C10orf90: variants seen among roughly 807,000 people sequenced by gnomAD.
The protein encoded by C10orf90 is (E2-independent) E3 ubiquitin-conjugating enzyme FATS.
Under a neutral mutation model 62.5 loss-of-function variants are expected in C10orf90, and 56 were observed. That is an observed-to-expected ratio of 0.90 (90% CI 0.72 to 1.12). C10orf90 has a LOEUF of 1.12. C10orf90 is among the 50% of genes most tolerant of loss of function. The pLI is 0.00. For synonymous variants in C10orf90, 386 were observed against 340.4 expected, an observed-to-expected ratio of 1.13 and a Z score of -1.47; for missense variants, 970 against 880.4, an observed-to-expected ratio of 1.10 and a Z score of -1.29.
At chr10:126,650,769 T>C (rs953292856) in intron 1 of C10orf90, among the ~76,000 whole-genome samples, 1 of 152,128 alleles carries the variant, frequency 6.6e-6, no homozygotes, top group African/African-American at 2.4e-5. Flanking sequence ...TTTTTAAAGT[T>C]ATATATAACA....
chr10:126,447,015 T>G (rs1055318560), intron 7 of C10orf90, among the ~76,000 whole-genome samples: 1 of 152,038 alleles, frequency 6.6e-6, no homozygotes, highest in Non-Finnish European at 1.5e-5. Flanking sequence ...TAAAAACCTA[T>G]AGTGGATACA....
intron 2 of C10orf90, among the ~76,000 whole-genome samples, chr10:126,573,624 T>G (rs2134006586): frequency 6.6e-6 from 1 of 152,230 alleles, no homozygotes; most frequent in South Asian, 2.1e-4. Context: ...GCCCCCACAC[T>G]TCTGTACTTT....
chr10:126,585,386 A>AT (rs1844841166), intron 2 of C10orf90, among the ~76,000 whole-genome samples: 5 of 148,504 alleles, frequency 3.4e-5, no homozygotes, highest in South Asian at 2.2e-4. Context: ...AAGAAAAGAA[A>AT]GGAAAGAAGG....
At chr10:126,660,733 G>A (rs1231736932) in intron 1 of C10orf90, among the ~76,000 whole-genome samples, 1 of 152,212 alleles carries the variant, frequency 6.6e-6, no homozygotes, top group Non-Finnish European at 1.5e-5. Context: ...TTGTTAGGCA[G>A]CAATAAAAAA....
At chr10:126,489,097 CT>C (rs1326759858) in intron 4 of C10orf90, among the ~76,000 whole-genome samples, 2 of 151,906 alleles carry the variant, frequency 1.3e-5, no homozygotes, top group Admixed American at 1.3e-4. Flanking sequence ...ACCAATATTC[CT>C]CACAAACATA....
intron 2 of C10orf90, among the ~76,000 whole-genome samples, chr10:126,631,614 A>G (rs1845851712): frequency 6.6e-6 from 1 of 151,952 alleles, no homozygotes; most frequent in Non-Finnish European, 1.5e-5. Flanking sequence ...AGTGCCCGGC[A>G]CAGTTCCTGG....
chr10:126,615,047 G>T (rs987884107), intron 2 of C10orf90, among the ~76,000 whole-genome samples: 1 of 152,116 alleles, frequency 6.6e-6, no homozygotes, highest in Non-Finnish European at 1.5e-5. Context: ...TCCATGCCTG[G>T]GTCCTCGGCT....
chr10:126,632,052 G>A lies in C10orf90; in HGVS notation c.313+14513C>T, dbSNP rs566709061. Among the ~76,000 whole-genome samples the A allele has an allele frequency of 1.4e-4, 21 of 152,214 alleles. No homozygotes were observed. The South Asian group carries it at 4.4e-3, about 32-fold the overall frequency. ...AAAGAAACTGGCGAAACTCATAATG[G>A]AAGAGATGAGGAAATTTCCAAGAAT... On this transcript the variant is annotated intron_variant, in intron 2 of 9. Transcript: ENST00000488181.
chr10:126,576,660 T>C (rs111459668), intron 2 of C10orf90, among the ~76,000 whole-genome samples: 951 of 57,200 alleles, frequency 0.017, 202 homozygotes, highest in African/African-American at 0.07. Flanking sequence ...CCAAGATATG[T>C]ATACATATAT....
intron 3 of C10orf90, among the ~76,000 whole-genome samples, chr10:126,506,464 A>G (rs1479969191): frequency 2.6e-5 from 4 of 152,246 alleles, no homozygotes; most frequent in Admixed American, 6.5e-5. Context: ...CACTGCTTGC[A>G]GAGAATCTTT....
intron 2 of C10orf90, among the ~76,000 whole-genome samples, chr10:126,640,725 C>T (rs184222754): frequency 1.2e-3 from 190 of 152,198 alleles, no homozygotes; most frequent in African/African-American, 4.5e-3. Flanking sequence ...AGTCTCTGGA[C>T]AAGGAGAGAG....
chr10:126,523,171 T>G (rs1331268539), intron 2 of C10orf90, among the ~76,000 whole-genome samples: 1 of 152,208 alleles, frequency 6.6e-6, no homozygotes, highest in Non-Finnish European at 1.5e-5. Context: ...CCCTGGAGTG[T>G]GAAGCACAGT....
chr10:126,645,346 T>G (rs1000291334), intron 2 of C10orf90, among the ~76,000 whole-genome samples: 2 of 150,318 alleles, frequency 1.3e-5, no homozygotes, highest in African/African-American at 4.9e-5. Context: ...GGTGAGCAGG[T>G]TGCTTGAGCC....
At chr10:126,546,301 C>T (rs965010050) in intron 2 of C10orf90, among the ~76,000 whole-genome samples, 2 of 152,226 alleles carry the variant, frequency 1.3e-5, no homozygotes, top group African/African-American at 4.8e-5. Flanking sequence ...AGCACCCTAA[C>T]CTAACTGGCA....
intron 2 of C10orf90, among the ~76,000 whole-genome samples, chr10:126,543,043 T>G (rs7079190): frequency 6.6e-6 from 1 of 152,176 alleles, no homozygotes; most frequent in Non-Finnish European, 1.5e-5. Flanking sequence ...AAACAATGAA[T>G]TGGTCTCTAA....
rs1564860259 is a variant in C10orf90, at chr10:126,532,862, G to GAAAAAAAAA, written c.314-18924_314-18923insTTTTTTTTT. ...CGTCTCAAAAAAAAAAAAAAATAGT[G>GAAAAAAAAA]AGCACAAAACAAGTGTTTTCAAAAA... On this transcript the variant is annotated intron_variant, in intron 2 of 9. Coordinates refer to ENST00000488181, the MANE Select transcript of C10orf90 (RefSeq NM_001350921.2). 2.3e-4 allele frequency among the ~76,000 whole-genome samples: 5 copies of GAAAAAAAAA among 22,136 alleles called. 1 individual carries two copies. Among genetic ancestry groups the GAAAAAAAAA allele is most frequent in the Non-Finnish European group, 6.3e-4 (5 of 7,994 alleles). 14.5% of individuals were successfully genotyped at this position (22,136 alleles called of 152,430 possible).
intron 1 of C10orf90, among the ~76,000 whole-genome samples, chr10:126,656,173 C>T (rs1364825673): frequency 6.6e-6 from 1 of 152,186 alleles, no homozygotes; most frequent in Non-Finnish European, 1.5e-5. Flanking sequence ...AAATGCTTCA[C>T]AGGCATTATG....
At chr10:126,612,642 C>T (rs539923272) in intron 2 of C10orf90, among the ~76,000 whole-genome samples, 14 of 152,224 alleles carry the variant, frequency 9.2e-5, no homozygotes, top group African/African-American at 3.4e-4. Context: ...GCCTCAAGCT[C>T]TCTCAGGTGG....
chr10:126,514,185 T>C (rs1289073219), intron 2 of C10orf90, among the ~76,000 whole-genome samples: 1 of 152,222 alleles, frequency 6.6e-6, no homozygotes, highest in Non-Finnish European at 1.5e-5. Flanking sequence ...ATCGTTTGTG[T>C]CCCTTAGACT....
Sources: gnomAD v4.1 joint callset for allele counts (sites outside exome capture counted in the v4.1 genomes callset) on GRCh38, gnomAD v4.1.1 for gene constraint, MANE v1.5 for transcripts, NCBI Gene and HGNC (gene_info 2026-07-23, HGNC 2026-07-21) for gene names.